Variants in NUP210L observed in about 807,000 individuals in gnomAD.
NUP210L encodes nuclear pore membrane glycoprotein 210-like.
A neutral mutation model predicts 208.5 loss-of-function variants in NUP210L; 74 were observed. The observed-to-expected ratio is 0.35, with a 90% CI of 0.29 to 0.43. The LOEUF is 0.43. NUP210L is among the 20% of genes least tolerant of loss of function. NUP210L has a pLI of 1.00. For missense variants in NUP210L, 1,843 were observed against 2,289.4 expected (o/e 0.81, Z 3.98); for synonymous variants, 780 against 816.9 (o/e 0.95, Z 0.77).
intron 27 of NUP210L, among the ~76,000 whole-genome samples, chr1:154,039,020 C>T (rs1007001532): frequency 2.6e-5 from 4 of 152,054 alleles, no homozygotes; most frequent in African/African-American, 9.7e-5. Context: ...AGTCTTTCTA[C>T]TCAAGATACG....
At chr1:154,147,131 G>A (rs1193970302) in intron 2 of NUP210L, among the ~76,000 whole-genome samples, 1 of 152,164 alleles carries the variant, frequency 6.6e-6, no homozygotes, top group Non-Finnish European at 1.5e-5. Context: ...TAGCTTTACA[G>A]TGGAGAAACC....
intron 12 of NUP210L, among the ~76,000 whole-genome samples, chr1:154,115,888 G>C (rs1657294464): frequency 6.6e-6 from 1 of 152,046 alleles, no homozygotes. Flanking sequence ...GAAGGCCGGG[G>C]TGGGCGGATC....
exon 23 of NUP210L, chr1:154,056,817 C>T (rs768699832): frequency 6.4e-7 from 1 of 1,562,976 alleles, no homozygotes; most frequent in South Asian, 1.2e-5. Flanking sequence ...TTCCTTACTT[C>T]AATGTGCCGA....
chr1:154,071,406 C>T (rs1275048288), intron 16 of NUP210L, among the ~76,000 whole-genome samples: 2 of 151,812 alleles, frequency 1.3e-5, no homozygotes, highest in African/African-American at 4.8e-5. Flanking sequence ...AAGAAGTATA[C>T]AGTGGACCCA....
intron 18 of NUP210L, 40 bp from the exon 19 acceptor site, chr1:154,061,086 T>C (rs760445535): frequency 6.9e-7 from 1 of 1,457,940 alleles, no homozygotes; most frequent in South Asian, 1.1e-5. Flanking sequence ...AATATAAACA[T>C]CTAATTCTTG....
At chr1:154,099,943 G>C in intron 14 of NUP210L, 55 bp downstream of exon 14, 1 of 1,552,372 alleles carries the variant, frequency 6.4e-7, no homozygotes, top group East Asian at 2.2e-5. Flanking sequence ...CCCATAAGCA[G>C]ACATAGTTAA....
At chr1:154,106,902 G>T (rs747865122) in intron 12 of NUP210L, among the ~76,000 whole-genome samples, 1 of 152,160 alleles carries the variant, frequency 6.6e-6, no homozygotes, top group African/African-American at 2.4e-5. Flanking sequence ...TTCCCAAGAA[G>T]GATGGGTACA....
chr1:153,995,064 T>A lies in NUP210L; in HGVS notation c.5491+12A>T, dbSNP rs374969487. 13 of 1,514,346 alleles carry A rather than the reference T, an allele frequency of 8.6e-6. No individual in the cohort carries two copies. Among genetic ancestry groups the A allele is most frequent in the Non-Finnish European group, 1.2e-5 (13 of 1,100,066 alleles). The allele number at this position is 1,514,346 out of a possible 1,614,324, so 93.8% of individuals were successfully genotyped here. ...ATGTCAAAGTCTATGTTATTGAATA[T>A]AAGGACTCTACCTAGGAAGATGGAA... On this transcript the variant is annotated intron_variant, in intron 38 of 39. Coordinates refer to ENST00000368559, the Ensembl canonical transcript of NUP210L.
At chr1:154,112,821 A>C (rs996698267) in intron 12 of NUP210L, among the ~76,000 whole-genome samples, 26 of 150,350 alleles carry the variant, frequency 1.7e-4, no homozygotes, top group Admixed American at 4.1e-4. Flanking sequence ...GCATCACTGC[A>C]CTCCAGCATG....
At chr1:154,092,767 C>T (rs1655997269) in intron 15 of NUP210L, among the ~76,000 whole-genome samples, 1 of 152,002 alleles carries the variant, frequency 6.6e-6, no homozygotes, top group Admixed American at 6.6e-5. Flanking sequence ...CACTGTCACC[C>T]AGGCTGGAGT....
intron 13 of NUP210L, 135 bp downstream of exon 13, chr1:154,103,877 A>G: frequency 1.5e-6 from 1 of 653,150 alleles, no homozygotes; most frequent in South Asian, 2.0e-5. Flanking sequence ...TAATATGTGA[A>G]CTTAGACTAT....
At chr1:154,031,580 T>C (rs1276906213) in intron 27 of NUP210L, among the ~76,000 whole-genome samples, 1 of 124,096 alleles carries the variant, frequency 8.1e-6, no homozygotes, top group African/African-American at 3.0e-5. Context: ...TCTGTCTCCA[T>C]GAGTTCAATT....
At chr1:154,135,393 C>T (rs1658480104) in intron 7 of NUP210L, among the ~76,000 whole-genome samples, 1 of 151,972 alleles carries the variant, frequency 6.6e-6, no homozygotes. Flanking sequence ...AAAAATAAAA[C>T]CTATAGGAAA....
intron 35 of NUP210L, among the ~76,000 whole-genome samples, chr1:154,007,920 G>A (rs1650658491): frequency 6.7e-6 from 1 of 149,772 alleles, no homozygotes. Flanking sequence ...TGCCTAGGCT[G>A]GAGTGCAGTG....
At chr1:154,038,314 TAG>T (rs2147956768) in intron 27 of NUP210L, among the ~76,000 whole-genome samples, 1 of 151,430 alleles carries the variant, frequency 6.6e-6, no homozygotes, top group South Asian at 2.1e-4. Context: ...TGTATTTTTG[TAG>T]AGACAGGGTT....
intron 16 of NUP210L, among the ~76,000 whole-genome samples, chr1:154,071,939 A>G (rs1044960825): frequency 6.6e-6 from 1 of 151,014 alleles, no homozygotes; most frequent in Non-Finnish European, 1.5e-5. Context: ...TCTGGCCCTA[A>G]TTCATTCCTT....
At chr1:154,089,495 T>A in exon 16 of NUP210L, 2 of 1,614,106 alleles carry the variant, frequency 1.2e-6, no homozygotes, top group Non-Finnish European at 1.7e-6. Context: ...GTTACTGACA[T>A]ACTGGCAGGG....
intron 2 of NUP210L, among the ~76,000 whole-genome samples, chr1:154,151,301 T>G (rs1160452106): frequency 6.8e-6 from 1 of 147,216 alleles, no homozygotes; most frequent in Non-Finnish European, 1.5e-5. Flanking sequence ...TCTTAGACAC[T>G]CGTTTTTTAT....
At chr1:154,063,723 A>C (rs1654254773) in intron 17 of NUP210L, among the ~76,000 whole-genome samples, 1 of 152,158 alleles carries the variant, frequency 6.6e-6, no homozygotes, top group African/African-American at 2.4e-5. Flanking sequence ...TTAGAAGATT[A>C]TGTGAAAAAG....
Sources: gnomAD v4.1 joint callset for allele counts (sites outside exome capture counted in the v4.1 genomes callset) on GRCh38, gnomAD v4.1.1 for gene constraint, MANE v1.5 for transcripts, NCBI Gene and HGNC (gene_info 2026-07-23, HGNC 2026-07-21) for gene names.